Variants in DYTN observed in about 807,000 individuals in gnomAD.
DYTN encodes dystrotelin.
A neutral mutation model predicts 69.6 loss-of-function variants in DYTN; 75 were observed. That is an observed-to-expected ratio of 1.08 (90% CI 0.89 to 1.31). The LOEUF is 1.31. Among genes scored for constraint, DYTN ranks in the 50% most tolerant of loss-of-function variants. The pLI is 0.00. For synonymous variants in DYTN, 252 were observed against 249.1 expected (o/e 1.01, Z -0.11); for missense variants, 726 against 688.4 (o/e 1.05, Z -0.61).
At chr2:206,652,296 C>T (rs960798649) in intron 11 of DYTN, among the ~76,000 whole-genome samples, 15 of 152,100 alleles carry the variant, frequency 9.9e-5, no homozygotes, top group Non-Finnish European at 1.9e-4. Flanking sequence ...GGAGCCTGAG[C>T]ATTTATATTT....
At chr2:206,692,162 G>A (rs1699870254) in intron 9 of DYTN, among the ~76,000 whole-genome samples, 1 of 151,830 alleles carries the variant, frequency 6.6e-6, no homozygotes, top group Admixed American at 6.6e-5. Context: ...GTGCCTGGGA[G>A]GCTGAGGTGG....
At chr2:206,683,138 T>G (rs1699768888) in intron 9 of DYTN, among the ~76,000 whole-genome samples, 1 of 152,136 alleles carries the variant, frequency 6.6e-6, no homozygotes, top group South Asian at 2.1e-4. Flanking sequence ...GGAAAAAATT[T>G]AGGAAAATGT....
At chr2:206,654,493 A>G (rs1350205841) in intron 11 of DYTN, among the ~76,000 whole-genome samples, 3 of 152,224 alleles carry the variant, frequency 2.0e-5, no homozygotes, top group Non-Finnish European at 4.4e-5. Context: ...GATACAAATA[A>G]CATACAAAAT....
chr2:206,674,085 A>G (rs1699656266), intron 9 of DYTN, among the ~76,000 whole-genome samples: 1 of 152,132 alleles, frequency 6.6e-6, no homozygotes, highest in African/African-American at 2.4e-5. Flanking sequence ...TATCTGGTCT[A>G]CTCTACTCTT....
At chr2:206,665,836 A>G (rs1347743830) in intron 10 of DYTN, 34 bp downstream of exon 10, 1 of 1,606,658 alleles carries the variant, frequency 6.2e-7, no homozygotes, top group Non-Finnish European at 8.5e-7. Flanking sequence ...ACTTCCAGGC[A>G]GTCCAGATGG....
At chr2:206,673,410 A>G (rs577089410) in intron 9 of DYTN, among the ~76,000 whole-genome samples, 1 of 152,164 alleles carries the variant, frequency 6.6e-6, no homozygotes, top group South Asian at 2.1e-4. Context: ...GGCACGCACC[A>G]CCACACCCAG....
In DYTN at chr2:206,707,395, T is replaced by C. The variant is rs1184884174; in HGVS notation, c.203A>G (p.Glu68Gly). The C allele has an allele frequency of 1.2e-6, 2 of 1,613,158 alleles. No homozygotes were observed. Among genetic ancestry groups the C allele is most frequent in the East Asian group, 2.2e-5 (1 of 44,848 alleles). The change falls in exon 3 of 12, where the codon GAG (glutamate) becomes GGG (glycine). Residue 68 changes from glutamate (E) to glycine (G), a missense_variant. By Grantham distance (98) the Glu-to-Gly change is moderately conservative (BLOSUM62 -2). Coordinates refer to ENST00000452335, the MANE Select transcript of DYTN (RefSeq NM_001093730.1). ...SVQQLSQALQELFQKAREENP... is the reference protein window; with the variant it reads ...SVQQLSQALQGLFQKAREENP... ...TTCCTCCCTGGCCTTCTGAAACAGC[T>C]CTTGGAGTGCCTGAGAAAGTTGCTG...
intron 1 of DYTN, among the ~76,000 whole-genome samples, chr2:206,716,494 C>T (rs2105904287): frequency 6.6e-6 from 1 of 152,246 alleles, no homozygotes; most frequent in Admixed American, 6.5e-5. Context: ...TACATGTTTT[C>T]CTTTCTTTTT....
intron 10 of DYTN, among the ~76,000 whole-genome samples, chr2:206,665,656 T>A (rs533179246): frequency 6.6e-6 from 1 of 152,214 alleles, no homozygotes; most frequent in Non-Finnish European, 1.5e-5. Context: ...GTCTATTGTT[T>A]GTAAATATTA....
chr2:206,663,241 T>A lies in DYTN; in HGVS notation c.1295A>T (p.Lys432Met). ...GTGACTTCTGTCAACCTCATCAAGC[T>A]TAGGAAGAGGTTCCCCTGTTGAAGC... ...EDASTGEPLP[K>M]LDEVDRSHRS... Residue 432 changes from lysine (K) to methionine (M), a missense_variant, in exon 11 of 12, where the codon AAG (lysine) becomes ATG (methionine). By Grantham distance (95) the Lys-to-Met change is moderately conservative. Transcript: ENST00000452335. The A allele has an allele frequency of 6.2e-7, 1 of 1,614,000 alleles. No individual in the cohort carries two copies. Among genetic ancestry groups the A allele is most frequent in the South Asian group, 1.1e-5 (1 of 91,074 alleles).
chr2:206,692,892 A>T (rs6710079), intron 9 of DYTN, among the ~76,000 whole-genome samples: 10,027 of 152,248 alleles, frequency 0.066, 457 homozygotes, highest in Non-Finnish European at 0.089. Context: ...AAGTTATTCA[A>T]ATATTCTAAT....
At chr2:206,689,538 T>C (rs915223407) in intron 9 of DYTN, among the ~76,000 whole-genome samples, 3 of 152,196 alleles carry the variant, frequency 2.0e-5, no homozygotes, top group African/African-American at 4.8e-5. Flanking sequence ...GTACAACTCA[T>C]TGACGTTTAG....
chr2:206,684,467 G>A (rs1296273284), intron 9 of DYTN, among the ~76,000 whole-genome samples: 1 of 151,970 alleles, frequency 6.6e-6, no homozygotes, highest in African/African-American at 2.4e-5. Flanking sequence ...ACCACACCCA[G>A]CTAATTTTAA....
chr2:206,651,984 T>A, intron 11 of DYTN, 63 bp from the exon 12 acceptor site: 1 of 1,458,164 alleles, frequency 6.9e-7, no homozygotes, highest in Non-Finnish European at 9.4e-7. Context: ...ATGAAGATAT[T>A]GATAAAGCTC....
At chr2:206,691,050 G>A (rs931767818) in intron 9 of DYTN, among the ~76,000 whole-genome samples, 2 of 152,190 alleles carry the variant, frequency 1.3e-5, no homozygotes, top group Non-Finnish European at 2.9e-5. Context: ...TGGGTGAGAA[G>A]TGCTGTCACA....
At chr2:206,690,157 G>GCCTACATTT (rs1699849497) in intron 9 of DYTN, among the ~76,000 whole-genome samples, 1 of 152,200 alleles carries the variant, frequency 6.6e-6, no homozygotes, top group African/African-American at 2.4e-5. Flanking sequence ...AAGGCCTTCA[G>GCCTACATTT]GATGAGCCTA....
At chr2:206,678,260 A>C (rs925643239) in intron 9 of DYTN, among the ~76,000 whole-genome samples, 1 of 152,258 alleles carries the variant, frequency 6.6e-6, no homozygotes, top group African/African-American at 2.4e-5. Flanking sequence ...CAAATTAAAT[A>C]TATTCCAGTG....
intron 1 of DYTN, among the ~76,000 whole-genome samples, chr2:206,717,043 A>AACACACACACACACACACAC (rs71852382): frequency 2.1e-5 from 3 of 143,726 alleles, no homozygotes; most frequent in African/African-American, 7.8e-5. Context: ...TGCCGATGCA[A>AACACACACACACACACACAC]ACACACACAC....
At chr2:206,716,512 T>C (rs1402786002) in intron 1 of DYTN, among the ~76,000 whole-genome samples, 6 of 152,184 alleles carry the variant, frequency 3.9e-5, no homozygotes, top group Non-Finnish European at 5.9e-5. Context: ...TTTCAAGAGG[T>C]ACAAACATAT....
Sources: gnomAD v4.1 joint callset for allele counts (sites outside exome capture counted in the v4.1 genomes callset) on GRCh38, gnomAD v4.1.1 for gene constraint, MANE v1.5 for transcripts, NCBI Gene and HGNC (gene_info 2026-07-23, HGNC 2026-07-21) for gene names.